Variants in TRPC4 observed in about 807,000 individuals in gnomAD.
TRPC4 encodes short transient receptor potential channel 4.
In TRPC4, 49 loss-of-function variants were observed where a neutral mutation model predicts 99.4. The observed-to-expected ratio is 0.49, with a 90% CI of 0.39 to 0.63. The LOEUF is 0.63. Ranked by LOEUF, TRPC4 falls within the 20% of genes least tolerant of loss-of-function variation. The probability of loss-of-function intolerance (pLI) is 0.00; values close to 1 mark genes in which losing one functional copy is unlikely to be tolerated. For synonymous variants in TRPC4, 454 were observed against 425.9 expected, an observed-to-expected ratio of 1.07 and a Z score of -0.81; for missense variants, 898 against 1,152.9, an observed-to-expected ratio of 0.78 and a Z score of 3.20.
intron 1 of TRPC4, among the ~76,000 whole-genome samples, chr13:37,864,638 C>T (rs527667529): frequency 2.2e-4 from 33 of 151,670 alleles, no homozygotes; most frequent in Admixed American, 7.9e-4. Context: ...GAAAATCCTC[C>T]GGTTTTCTTT....
intron 3 of TRPC4, among the ~76,000 whole-genome samples, chr13:37,717,751 A>G (rs917134622): frequency 6.6e-6 from 1 of 152,110 alleles, no homozygotes; most frequent in Non-Finnish European, 1.5e-5. Flanking sequence ...GAGAAAATAA[A>G]TTTCTGTTGC....
At chr13:37,829,874 G>A (rs1476353366) in intron 1 of TRPC4, among the ~76,000 whole-genome samples, 1 of 152,096 alleles carries the variant, frequency 6.6e-6, no homozygotes, top group Non-Finnish European at 1.5e-5. Flanking sequence ...CTAAGTTAGG[G>A]AAGTCAGACA....
At chr13:37,638,238 T>C (rs1951596757) in intron 10 of TRPC4, among the ~76,000 whole-genome samples, 1 of 110,222 alleles carries the variant, frequency 9.1e-6, no homozygotes, top group Non-Finnish European at 1.9e-5. Context: ...TCTTGGTGGC[T>C]TCCTGCCCCA....
At chr13:37,752,379 A>T (rs953220416) in intron 2 of TRPC4, among the ~76,000 whole-genome samples, 23 of 151,902 alleles carry the variant, frequency 1.5e-4, no homozygotes, top group Admixed American at 9.8e-4. Context: ...TGACACATCG[A>T]TTTATTCTGC....
rs935291296 is a variant in TRPC4, at chr13:37,823,430, T to A, written c.-27-40070A>T. ...GTCTAACGTTGAAGTCTTTAATCCA[T>A]CTTGAATTGATTTTTGTATAAGGTG... On this transcript the variant is annotated intron_variant, in intron 1 of 10. Transcript: ENST00000379705. Among the ~76,000 whole-genome samples, 8 of 140,022 alleles carry A rather than the reference T, an allele frequency of 5.7e-5. No homozygotes were observed. In the East Asian group the frequency reaches 6.9e-4, roughly 12 times the overall value. 91.9% of individuals were successfully genotyped at this position (140,022 alleles called of 152,430 possible).
chr13:37,823,873 T>G (rs1169356075), intron 1 of TRPC4, among the ~76,000 whole-genome samples: 6 of 150,618 alleles, frequency 4.0e-5, no homozygotes, highest in Non-Finnish European at 7.4e-5. Context: ...AGTATGGCCA[T>G]TTTCATGATA....
chr13:37,726,463 G>C (rs981274207), intron 3 of TRPC4, among the ~76,000 whole-genome samples: 2 of 151,928 alleles, frequency 1.3e-5, no homozygotes, highest in Admixed American at 1.3e-4. Flanking sequence ...TAATCCCCAT[G>C]GTAACCACAA....
At chr13:37,856,698 T>A (rs991015458) in intron 1 of TRPC4, among the ~76,000 whole-genome samples, 10 of 151,822 alleles carry the variant, frequency 6.6e-5, no homozygotes, top group African/African-American at 2.4e-4. Flanking sequence ...CATGTTGGAT[T>A]TATCCCTGCA....
chr13:37,814,645 G>A (rs1957792350), intron 1 of TRPC4, among the ~76,000 whole-genome samples: 1 of 151,678 alleles, frequency 6.6e-6, no homozygotes, highest in Admixed American at 6.6e-5. Context: ...TGAATGACTT[G>A]TACACAAAAA....
intron 4 of TRPC4, among the ~76,000 whole-genome samples, chr13:37,676,427 C>T (rs1953053336): frequency 6.7e-6 from 1 of 149,810 alleles, no homozygotes; most frequent in Non-Finnish European, 1.5e-5. Flanking sequence ...GGCTGGAGTG[C>T]AGTAGCGCAA....
chr13:37,648,293 A>G lies in TRPC4; in HGVS notation c.2079+2972T>C, dbSNP rs559218931. On this transcript the variant is annotated intron_variant, in intron 8 of 10. Transcript: ENST00000379705. ...TCCTTATAAATTATACCTATCATTT[A>G]TTTTCATATAAACAAAAAATGTATA... Among the ~76,000 whole-genome samples, 14 of 152,242 alleles carry G rather than the reference A, an allele frequency of 9.2e-5. No homozygotes were observed. The South Asian group carries it at 2.9e-3, about 32-fold the overall frequency.
In TRPC4 at chr13:37,783,290, C is replaced by G; in HGVS notation, c.44G>C (p.Arg15Thr). The change falls in exon 2 of 11, where the codon AGA becomes ACA. Residue 15 changes from arginine to threonine, a missense_variant. Physicochemically the swap from Arg to Thr is moderately conservative, Grantham distance 71. Around this residue, in one of 3 missense-constraint regions of TRPC4, gnomAD observed 278 missense variants for 346.6 expected, o/e 0.80. Coordinates refer to ENST00000379705, the MANE Select transcript of TRPC4 (RefSeq NM_016179.4). ...YYKRNVNAPYRDRIPLRIVRA... is the reference protein window; with the variant it reads ...YYKRNVNAPYTDRIPLRIVRA... ...TACTATCCTTAGAGGGATGCGGTCTCTATAGGGAGCATTAACATTTCTTTT... is the reference window on the plus strand; with the variant it reads ...TACTATCCTTAGAGGGATGCGGTCTGTATAGGGAGCATTAACATTTCTTTT... 6.3e-7 allele frequency: 1 copy of G among 1,598,830 alleles called. No individual in the cohort carries two copies. The highest frequency in any genetic ancestry group is 1.1e-5 in the South Asian group (1 of 88,644).
At chr13:37,675,730 T>C (rs1006524995) in intron 4 of TRPC4, among the ~76,000 whole-genome samples, 1 of 152,128 alleles carries the variant, frequency 6.6e-6, no homozygotes, top group Non-Finnish European at 1.5e-5. Context: ...ATGTTTGCCA[T>C]GAAAAGGAGG....
chr13:37,725,341 C>T (rs1463741683), intron 3 of TRPC4, among the ~76,000 whole-genome samples: 1 of 151,886 alleles, frequency 6.6e-6, no homozygotes, highest in Non-Finnish European at 1.5e-5. Context: ...GCCAACATTT[C>T]CCCAAATTTG....
At chr13:37,740,113 T>C (rs1430418688) in intron 3 of TRPC4, among the ~76,000 whole-genome samples, 2 of 152,152 alleles carry the variant, frequency 1.3e-5, no homozygotes, top group Non-Finnish European at 2.9e-5. Context: ...CCAAGGTCCT[T>C]ATGAGACAGC....
chr13:37,795,396 G>C (rs764795548), intron 1 of TRPC4, among the ~76,000 whole-genome samples: 1 of 152,156 alleles, frequency 6.6e-6, no homozygotes, highest in African/African-American at 2.4e-5. Context: ...ATGAGGTGGA[G>C]GAGGAGCCTT....
intron 6 of TRPC4, among the ~76,000 whole-genome samples, chr13:37,658,868 C>T (rs1182176393): frequency 1.1e-4 from 17 of 152,078 alleles, no homozygotes; most frequent in Admixed American, 1.1e-3. Context: ...CACAGCCTGA[C>T]ACTGGGCATT....
intron 3 of TRPC4, among the ~76,000 whole-genome samples, chr13:37,718,999 C>T (rs916821578): frequency 1.3e-5 from 2 of 150,718 alleles, no homozygotes; most frequent in African/African-American, 2.4e-5. Flanking sequence ...TCTAAAACAA[C>T]AAAAAAGAAA....
intron 1 of TRPC4, among the ~76,000 whole-genome samples, chr13:37,827,602 A>G (rs993892055): frequency 6.6e-5 from 10 of 152,136 alleles, no homozygotes; most frequent in African/African-American, 2.4e-4. Flanking sequence ...GGGGTCAGGG[A>G]CCCACTTGAG....
Sources: allele counts gnomAD v4.1 joint callset (sites outside exome capture counted in the v4.1 genomes callset), GRCh38; gene constraint gnomAD v4.1.1; regional missense constraint gnomAD v4.1.1; transcripts MANE v1.5; gene names NCBI Gene and HGNC (gene_info 2026-07-23, HGNC 2026-07-21).